Variants in TCF4 observed in about 807,000 individuals in gnomAD.
TCF4 encodes the protein SL3-3 enhancer factor 2.
Under a neutral mutation model 82.1 loss-of-function variants are expected in TCF4, and 3 were observed. The ratio of observed to expected loss-of-function variants is 0.04; its 90% confidence interval spans 0.02 to 0.09. TCF4 has a LOEUF of 0.09. TCF4 is among the 10% of genes least tolerant of loss of function. The pLI is 1.00. For synonymous variants in TCF4, 276 were observed against 309.6 expected (o/e 0.89, Z 1.14); for missense variants, 518 against 852.7 (o/e 0.61, Z 4.89).
intron 3 of TCF4, among the ~76,000 whole-genome samples, chr18:55,512,701 CT>C (rs1260594370): frequency 6.6e-6 from 1 of 151,842 alleles, no homozygotes; most frequent in Non-Finnish European, 1.5e-5. Flanking sequence ...AGGCAGAATG[CT>C]GGTAAATATT....
chr18:55,452,825 G>A (rs1471215490), intron 5 of TCF4: 3 of 152,184 alleles, frequency 2.0e-5, no homozygotes, highest in African/African-American at 7.2e-5. Flanking sequence ...TCCCATGCAA[G>A]ACGCTCATGC....
intron 2 of TCF4, among the ~76,000 whole-genome samples, chr18:55,603,161 T>A (rs2097698921): frequency 6.6e-6 from 1 of 152,140 alleles, no homozygotes; most frequent in East Asian, 1.9e-4. Context: ...GACGTGGAAG[T>A]ATATCCTGGC....
chr18:55,231,384 G>A (rs1219124397), intron 17 of TCF4: 1 of 152,192 alleles, frequency 6.6e-6, no homozygotes, highest in East Asian at 1.9e-4. Flanking sequence ...AAACTGCCTA[G>A]ATTTGAAAAA....
chr18:55,271,209 G>A (rs1600918223), intron 10 of TCF4, among the ~76,000 whole-genome samples: 2 of 151,900 alleles, frequency 1.3e-5, no homozygotes, highest in Non-Finnish European at 1.5e-5. Flanking sequence ...TTCTCTCTAG[G>A]TCCCTAATGC....
chr18:55,297,616 A>T (rs1227407054), intron 8 of TCF4, among the ~76,000 whole-genome samples: 1 of 152,114 alleles, frequency 6.6e-6, no homozygotes, highest in Non-Finnish European at 1.5e-5. Context: ...TCCATTAGGC[A>T]TTGTGCTGGC....
chr18:55,515,477 G>A (rs1311513082), intron 3 of TCF4, among the ~76,000 whole-genome samples: 1 of 152,162 alleles, frequency 6.6e-6, no homozygotes, highest in Non-Finnish European at 1.5e-5. Context: ...ATATGCCCCA[G>A]CATACAAGAG....
chr18:55,520,051 A>G (rs754787093), intron 3 of TCF4, among the ~76,000 whole-genome samples: 4 of 152,168 alleles, frequency 2.6e-5, no homozygotes, highest in Non-Finnish European at 5.9e-5. Context: ...ACACTCATCA[A>G]CAATTGAAAG....
At chr18:55,379,943 G>A (rs2091592838) in intron 6 of TCF4, among the ~76,000 whole-genome samples, 1 of 152,138 alleles carries the variant, frequency 6.6e-6, no homozygotes, top group South Asian at 2.1e-4. Flanking sequence ...GCATGATCAT[G>A]GCTCACTGCA....
chr18:55,303,962 G>A (rs1452423468), intron 8 of TCF4, among the ~76,000 whole-genome samples: 1 of 152,080 alleles, frequency 6.6e-6, no homozygotes, highest in African/African-American at 2.4e-5. Flanking sequence ...AAGAAAGAAA[G>A]AATCTCATTT....
At chr18:55,242,298 G>A (rs1401804489) in intron 15 of TCF4, among the ~76,000 whole-genome samples, 2 of 152,158 alleles carry the variant, frequency 1.3e-5, no homozygotes, top group South Asian at 2.1e-4. Flanking sequence ...GCTGCCATTC[G>A]TAAAGCCTAT....
chr18:55,274,075 AT>A lies in TCF4; in HGVS notation c.789+1543del, dbSNP rs2060964854. On this transcript the variant is annotated intron_variant, in intron 10 of 19. Transcript: ENST00000354452. ...ATAGTGCCTAAAACTTTTATTTGTA[AT>A]CAAAACTTTCCTTGCTCATAGGACA... Among the ~76,000 whole-genome samples the A allele has an allele frequency of 5.9e-5, 9 of 152,172 alleles. No individual in the cohort carries two copies. In the South Asian group the frequency reaches 1.9e-3, roughly 31 times the overall value.
chr18:55,309,169 G>C (rs2071388042), intron 8 of TCF4, among the ~76,000 whole-genome samples: 1 of 152,042 alleles, frequency 6.6e-6, no homozygotes, highest in Non-Finnish European at 1.5e-5. Context: ...CTGGAGCACA[G>C]TGGCATGATC....
intron 15 of TCF4, among the ~76,000 whole-genome samples, chr18:55,238,787 G>T (rs188578496): frequency 1.1e-3 from 169 of 152,220 alleles, no homozygotes; most frequent in Non-Finnish European, 2.1e-3. Context: ...ACCTCTTGGT[G>T]CATTCTTTCT....
intron 3 of TCF4, among the ~76,000 whole-genome samples, chr18:55,552,894 G>A (rs1449463733): frequency 1.3e-5 from 2 of 152,236 alleles, no homozygotes; most frequent in Non-Finnish European, 2.9e-5. Flanking sequence ...CACAGCAAGA[G>A]AAGCAATCAC....
At chr18:55,284,907 AC>A in intron 8 of TCF4, among the ~76,000 whole-genome samples, 1 of 152,270 alleles carries the variant, frequency 6.6e-6, no homozygotes, top group East Asian at 1.9e-4. Flanking sequence ...CCACAGAACT[AC>A]CCATGTACTT....
chr18:55,564,446 C>T (rs1293913567), intron 3 of TCF4, among the ~76,000 whole-genome samples: 1 of 152,192 alleles, frequency 6.6e-6, no homozygotes, highest in East Asian at 1.9e-4. Flanking sequence ...TAGGAGGCTA[C>T]TAGAGTAGAC....
intron 3 of TCF4, chr18:55,550,560 A>T (rs995362827): frequency 3.5e-4 from 53 of 152,194 alleles, no homozygotes; most frequent in African/African-American, 1.3e-3. Flanking sequence ...ACTGGCCAGA[A>T]ATTTGGTCTT....
At chr18:55,321,905 C>A in intron 8 of TCF4, 1 of 1,405,458 alleles carries the variant, frequency 7.1e-7, no homozygotes, top group Non-Finnish European at 9.2e-7. Flanking sequence ...GCGGGGGAGG[C>A]CGCGGCGCTG....
chr18:55,401,459 T>A, intron 6 of TCF4: 1 of 1,002,184 alleles, frequency 1.0e-6, no homozygotes, highest in Non-Finnish European at 1.2e-6. Flanking sequence ...TAGTGCTATA[T>A]ACAAAAGAAT....
Sources: allele counts gnomAD v4.1 joint callset (sites outside exome capture counted in the v4.1 genomes callset), GRCh38; gene constraint gnomAD v4.1.1; transcripts MANE v1.5; gene names NCBI Gene and HGNC (gene_info 2026-07-23, HGNC 2026-07-21).